GRIK1: variants seen among roughly 807,000 people sequenced by gnomAD.
GRIK1 encodes the protein glutamate receptor ionotropic, kainate 1.
Under a neutral mutation model 105.7 loss-of-function variants are expected in GRIK1, and 69 were observed. The ratio of observed to expected loss-of-function variants is 0.65; its 90% CI spans 0.54 to 0.80. GRIK1 has a LOEUF of 0.80. Ranked by LOEUF, GRIK1 falls within the 30% of genes least tolerant of loss-of-function variation. GRIK1 has a pLI of 0.00. For synonymous variants in GRIK1, 438 were observed against 431.3 expected (o/e 1.02, Z -0.19); for missense variants, 1,109 against 1,167.3 (o/e 0.95, Z 0.73).
chr21:29,609,454 C>G (rs1176413433), intron 7 of GRIK1, among the ~76,000 whole-genome samples: 2 of 152,138 alleles, frequency 1.3e-5, no homozygotes, highest in Non-Finnish European at 2.9e-5. Context: ...GTCAATTTGA[C>G]TGGGTGATGG....
intron 1 of GRIK1, among the ~76,000 whole-genome samples, chr21:29,875,889 G>C (rs2069174201): frequency 6.6e-6 from 1 of 152,040 alleles, no homozygotes; most frequent in African/African-American, 2.4e-5. Flanking sequence ...GAAAAATTTT[G>C]ATAGTCCCTG....
chr21:29,903,050 A>C (rs2070468336), intron 1 of GRIK1, among the ~76,000 whole-genome samples: 1 of 152,230 alleles, frequency 6.6e-6, no homozygotes, highest in African/African-American at 2.4e-5. Context: ...CCTATTTAAT[A>C]AATGATATTG....
At chr21:29,733,944 A>C (rs375899023) in intron 1 of GRIK1, among the ~76,000 whole-genome samples, 1 of 152,094 alleles carries the variant, frequency 6.6e-6, no homozygotes, top group Admixed American at 6.6e-5. Context: ...TAGTTTTACT[A>C]TTATATTTAC....
At position 29,619,897 on chromosome 21, in the gene GRIK1, G is replaced by T. The variant is rs545285720; in HGVS notation, c.1099-20960C>A. Among the ~76,000 whole-genome samples the T allele has an allele frequency of 2.6e-4, 39 of 152,250 alleles. No homozygotes were observed. In the South Asian group the frequency reaches 8.1e-3, roughly 32 times the overall value. On this transcript the variant is annotated intron_variant, in intron 7 of 17. Transcript: ENST00000327783. ...GTCTATTTTGCCATTTGTCAAGCAG[G>T]AATATAAAAATCTACAGTGCAGGAA...
chr21:29,653,248 T>C (rs900920972), intron 5 of GRIK1, among the ~76,000 whole-genome samples: 1 of 152,186 alleles, frequency 6.6e-6, no homozygotes, highest in East Asian at 1.9e-4. Context: ...AGACAGAAAC[T>C]GCCAGAATAC....
chr21:29,660,000 C>CA (rs1333838575), intron 4 of GRIK1, among the ~76,000 whole-genome samples: 6 of 152,014 alleles, frequency 3.9e-5, no homozygotes, highest in African/African-American at 1.2e-4. Flanking sequence ...ACAACAACAA[C>CA]AACAAAAAAC....
intron 1 of GRIK1, among the ~76,000 whole-genome samples, chr21:29,843,873 A>G (rs1220927696): frequency 6.6e-6 from 1 of 152,208 alleles, no homozygotes; most frequent in Non-Finnish European, 1.5e-5. Context: ...TTCTAGAGCG[A>G]TGATTCTTCC....
chr21:29,830,671 T>C (rs2067607174), intron 1 of GRIK1, among the ~76,000 whole-genome samples: 1 of 152,126 alleles, frequency 6.6e-6, no homozygotes, highest in South Asian at 2.1e-4. Flanking sequence ...TTACAATCTT[T>C]CACATAATAA....
chr21:29,570,526 A>G (rs904204705), intron 14 of GRIK1, among the ~76,000 whole-genome samples: 9 of 152,138 alleles, frequency 5.9e-5, no homozygotes, highest in African/African-American at 2.2e-4. Context: ...ATTCTCTTAA[A>G]TAGAGTCTGT....
At chr21:29,780,749 G>C (rs1484044430) in intron 1 of GRIK1, among the ~76,000 whole-genome samples, 1 of 152,162 alleles carries the variant, frequency 6.6e-6, no homozygotes, top group Non-Finnish European at 1.5e-5. Context: ...GCACCTTATG[G>C]ATTTCCTGTC....
intron 1 of GRIK1, among the ~76,000 whole-genome samples, chr21:29,824,542 C>T (rs995968306): frequency 2.6e-5 from 4 of 151,876 alleles, no homozygotes; most frequent in Admixed American, 2.6e-4. Flanking sequence ...TCAGAAAAGG[C>T]ATCTCTGGTC....
At chr21:29,887,322 G>C (rs1355902056) in intron 1 of GRIK1, among the ~76,000 whole-genome samples, 5 of 152,108 alleles carry the variant, frequency 3.3e-5, no homozygotes, top group Non-Finnish European at 7.3e-5. Flanking sequence ...GGGTACAGAA[G>C]TTCTAACCTA....
intron 4 of GRIK1, among the ~76,000 whole-genome samples, chr21:29,661,232 A>G (rs766057273): frequency 6.6e-6 from 1 of 152,230 alleles, no homozygotes; most frequent in Non-Finnish European, 1.5e-5. Context: ...AAATCCTGAT[A>G]TACAGAAAGA....
At chr21:29,902,403 A>G (rs1229487954) in intron 1 of GRIK1, among the ~76,000 whole-genome samples, 4 of 152,210 alleles carry the variant, frequency 2.6e-5, no homozygotes, top group Admixed American at 6.5e-5. Context: ...AAACCCCATC[A>G]TCTCAGCCCA....
At chr21:29,938,124 A>G (rs964402838) in intron 1 of GRIK1, among the ~76,000 whole-genome samples, 12 of 152,196 alleles carry the variant, frequency 7.9e-5, no homozygotes, top group African/African-American at 2.7e-4. Context: ...GAATTTTTGT[A>G]AAGGGGCTGA....
At chr21:29,785,333 C>T (rs765823615) in intron 1 of GRIK1, among the ~76,000 whole-genome samples, 8 of 152,012 alleles carry the variant, frequency 5.3e-5, no homozygotes, top group Non-Finnish European at 2.9e-5. Flanking sequence ...GAGGCTGAGG[C>T]GGGTGGTTCA....
chr21:29,916,665 A>G (rs182974152), intron 1 of GRIK1, among the ~76,000 whole-genome samples: 12 of 148,696 alleles, frequency 8.1e-5, no homozygotes, highest in African/African-American at 3.1e-4. Flanking sequence ...AGTTCTCTTG[A>G]TAGTAATTCA....
At chr21:29,733,435 A>T (rs1686000481) in intron 1 of GRIK1, among the ~76,000 whole-genome samples, 1 of 152,082 alleles carries the variant, frequency 6.6e-6, no homozygotes, top group South Asian at 2.1e-4. Context: ...AAATTTGTAT[A>T]TCTGTATCCA....
At position 29,685,572 on chromosome 21, in the gene GRIK1, G is replaced by A. The variant is rs140600364; in HGVS notation, c.544+4156C>T. Among the ~76,000 whole-genome samples the A allele has an allele frequency of 4.3e-3, 654 of 152,174 alleles. 1 individual carries two copies. Among genetic ancestry groups the A allele is most frequent in the Middle Eastern group, 0.02 (6 of 294 alleles). On this transcript the variant is annotated intron_variant, in intron 3 of 17. Coordinates refer to ENST00000327783, the MANE Select transcript of GRIK1 (RefSeq NM_001330994.2). ...AAAACACTTTGAAATCCCACTCTCT[G>A]TGGCATGCAATATTCAATGCTTTTG...
Sources: allele counts gnomAD v4.1 joint callset (sites outside exome capture counted in the v4.1 genomes callset), GRCh38; gene constraint gnomAD v4.1.1; transcripts MANE v1.5; gene names NCBI Gene and HGNC (gene_info 2026-07-23, HGNC 2026-07-21).